COL17A1: variants seen among roughly 807,000 people sequenced by gnomAD.
COL17A1 encodes collagen type XVII alpha 1 chain, also known as collagen alpha-1(XVII) chain.
COL17A1 carries 181 observed loss-of-function variants against 218.4 expected under a neutral mutation model. The observed-to-expected ratio is 0.83, with a 90% CI of 0.73 to 0.94. The LOEUF (loss-of-function observed/expected upper bound fraction) is 0.94, where lower values mean the gene tolerates loss of function less well. Among genes scored for constraint, COL17A1 ranks in the 40% least tolerant of loss-of-function variants. The pLI, the probability that COL17A1 is intolerant of heterozygous loss-of-function variation, is 0.00. For synonymous variants in COL17A1, 721 were observed against 731.0 expected, an observed-to-expected ratio of 0.99 and a Z score of 0.22; for missense variants, 1,924 against 1,945.9, an observed-to-expected ratio of 0.99 and a Z score of 0.21.
intron 22 of COL17A1, 138 bp from the exon 23 acceptor site, chr10:104,053,273 C>G (rs1386384588): frequency 4.3e-5 from 41 of 943,308 alleles, no homozygotes; most frequent in Middle Eastern, 5.5e-4. Context: ...GACCCCATAG[C>G]CTTGGCTCAA....
At chr10:104,069,573 T>G (rs951826916) in intron 9 of COL17A1, among the ~76,000 whole-genome samples, 3 of 152,208 alleles carry the variant, frequency 2.0e-5, no homozygotes, top group Non-Finnish European at 4.4e-5. Context: ...GCAAAGACTT[T>G]GGACTGTCCC....
chr10:104,078,602 G>C lies in COL17A1; in HGVS notation c.53-16C>G, dbSNP rs11191919. On this transcript the variant is annotated splice_polypyrimidine_tract_variant and intron_variant, in intron 2 of 55. Coordinates refer to ENST00000648076, the MANE Select transcript of COL17A1 (RefSeq NM_000494.4). Reference sequence around the variant, plus strand: ...TCAGTGACAACTAGAAAAAGACAAAGAAAAGATGAGTTCTTATGTAATGCA... The same window carrying C: ...TCAGTGACAACTAGAAAAAGACAAACAAAAGATGAGTTCTTATGTAATGCA... 11 of 1,614,068 alleles carry C rather than the reference G, an allele frequency of 6.8e-6. No homozygotes were observed. Among genetic ancestry groups the C allele is most frequent in the Non-Finnish European group, 9.3e-6 (11 of 1,179,972 alleles).
Position 104,037,665 on chromosome 10 carries a change from A to T in COL17A1, c.3179T>A (p.Leu1060Gln). The part of the protein sequence containing the change: ...ITGETFDYSE[L>Q]ASHVVSYLRT... ...TAAGTAGCTCACAACGTGGCTTGCCAGCTCTGAGTAGTCGAAAGTCTCGCC... is the reference window on the plus strand; with the variant it reads ...TAAGTAGCTCACAACGTGGCTTGCCTGCTCTGAGTAGTCGAAAGTCTCGCC... Residue 1060 changes from leucine to glutamine, a missense_variant, in exon 46 of 56, where the codon CTG becomes CAG. Coordinates refer to ENST00000648076, the MANE Select transcript of COL17A1 (RefSeq NM_000494.4). The T allele has an allele frequency of 5.6e-6, 9 of 1,614,230 alleles. No individual in the cohort carries two copies. Among genetic ancestry groups the T allele is most frequent in the Non-Finnish European group, 5.9e-6 (7 of 1,180,050 alleles).
chr10:104,053,050 A>G lies in COL17A1; in HGVS notation c.1920T>C (p.Ser640=), dbSNP rs765732871. 2 of 1,614,134 alleles carry G rather than the reference A, an allele frequency of 1.2e-6. No homozygotes were observed. Among genetic ancestry groups the G allele is most frequent in the Non-Finnish European group, 1.7e-6 (2 of 1,180,010 alleles). Residue 640 remains serine (S), a synonymous_variant, in exon 23 of 56, where the codon TCT becomes TCC. Coordinates refer to ENST00000648076, the MANE Select transcript of COL17A1 (RefSeq NM_000494.4). The part of the protein sequence containing the change: ...GPRGEAGPPG[S]GEKGERGAAG... The stretch of plus-strand genomic sequence containing the variant: ...TCTTACCTCTTTCCCCTTTCTCTCC[A>G]GATCCAGGAGGCCCTGCCTCACCAC...
intron 33 of COL17A1, among the ~76,000 whole-genome samples, chr10:104,044,173 C>T (rs2086387556): frequency 6.6e-6 from 1 of 152,208 alleles, no homozygotes; most frequent in Non-Finnish European, 1.5e-5. Flanking sequence ...CCACATTCCA[C>T]CACCTCTGCC....
intron 26 of COL17A1, 41 bp from the exon 27 acceptor site, chr10:104,050,697 A>G: frequency 6.2e-7 from 1 of 1,614,174 alleles, no homozygotes; most frequent in Admixed American, 1.7e-5. Flanking sequence ...ATGCCCTACA[A>G]GGGACAACCA....
Position 104,039,429 on chromosome 10 carries a change from C to G in COL17A1, c.2896+16G>C, listed in dbSNP as rs779097909. 27 of 1,613,420 alleles carry G rather than the reference C, an allele frequency of 1.7e-5. No homozygotes were observed. The Admixed American group carries it at 4.5e-4, about 27-fold the overall frequency. On this transcript the variant is annotated intron_variant, in intron 43 of 55. Coordinates refer to ENST00000648076, the MANE Select transcript of COL17A1 (RefSeq NM_000494.4). ...ACCCCTACTCCTCACCACCTTCTCACTGCTCCCTCACTGACCTTTGTCACC... is the reference window on the plus strand; with the variant it reads ...ACCCCTACTCCTCACCACCTTCTCAGTGCTCCCTCACTGACCTTTGTCACC...
intron 8 of COL17A1, among the ~76,000 whole-genome samples, chr10:104,071,451 G>T (rs2086668542): frequency 6.6e-6 from 1 of 152,106 alleles, no homozygotes; most frequent in Non-Finnish European, 1.5e-5. Context: ...ATTTCAAAAC[G>T]TTGTTAAATA....
At chr10:104,050,814 C>A (rs755925002) in intron 26 of COL17A1, 34 bp downstream of exon 26, 3 of 1,614,130 alleles carry the variant, frequency 1.9e-6, no homozygotes, top group Non-Finnish European at 2.5e-6. Flanking sequence ...TCCATCAGAC[C>A]CTCACTGTCC....
rs1300990490 is a variant in COL17A1, at chr10:104,074,277, A to G, written c.332-46T>C. ...TTAGAACAAATGGCCTCTTAGGCCC[A>G]TAAAGCTTCCAAAACGGGAGGTAGT... On this transcript the variant is annotated intron_variant, in intron 5 of 55. Transcript: ENST00000648076. 6 of 1,613,862 alleles carry G rather than the reference A, an allele frequency of 3.7e-6. No homozygotes were observed. The South Asian group carries it at 6.6e-5, about 18-fold the overall frequency.
rs2086332039 is a variant in COL17A1, at chr10:104,039,112, C to A, written c.2906G>T (p.Gly969Val). 1 of 1,614,160 alleles carries A rather than the reference C, an allele frequency of 6.2e-7. No individual in the cohort carries two copies. The highest frequency in any genetic ancestry group is 2.2e-5 in the East Asian group (1 of 44,886). Residue 969 changes from glycine (G) to valine (V), a missense_variant, in exon 44 of 56, where the codon GGT becomes GTT. Coordinates refer to ENST00000648076, the MANE Select transcript of COL17A1 (RefSeq NM_000494.4). ...AGGAATGCCAAGAGCCCCTGGAACACCTGGATCACCTGGAATCCAAAATGA... is the reference window on the plus strand; with the variant it reads ...AGGAATGCCAAGAGCCCCTGGAACAACTGGATCACCTGGAATCCAAAATGA... The part of the protein sequence containing the change: ...QGPKGDKGDP[G>V]VPGALGIPSG...
intron 1 of COL17A1, among the ~76,000 whole-genome samples, chr10:104,085,368 A>G (rs2086797282): frequency 6.6e-6 from 1 of 152,192 alleles, no homozygotes; most frequent in Non-Finnish European, 1.5e-5. Context: ...GCGAGAGAGG[A>G]AACTGAGATT....
intron 11 of COL17A1, 104 bp downstream of exon 11, chr10:104,063,632 TCTGCTTCTGAG>T: frequency 2.0e-6 from 3 of 1,490,796 alleles, no homozygotes; most frequent in Non-Finnish European, 2.7e-6. Flanking sequence ...ACCCTGTGCC[TCTGCTTCTGAG>T]CTGCAGTATG....
intron 5 of COL17A1, among the ~76,000 whole-genome samples, chr10:104,075,439 C>A (rs755184742): frequency 2.3e-4 from 35 of 152,122 alleles, no homozygotes; most frequent in Non-Finnish European, 4.7e-4. Context: ...AATTGCCAAA[C>A]CTGTCAATTC....
At chr10:104,044,044 A>C (rs1030334779) in intron 33 of COL17A1, among the ~76,000 whole-genome samples, 184 bp from the exon 34 acceptor site, 4 of 152,260 alleles carry the variant, frequency 2.6e-5, no homozygotes, top group Non-Finnish European at 4.4e-5. Context: ...TCTTTCAGCC[A>C]GAGTCCCTGG....
chr10:104,036,815 C>G (rs996962222), intron 47 of COL17A1, among the ~76,000 whole-genome samples, 183 bp from the exon 48 acceptor site: 1 of 152,208 alleles, frequency 6.6e-6, no homozygotes, highest in African/African-American at 2.4e-5. Flanking sequence ...CAAAGGGACA[C>G]CTGCCAGCTT....
intron 6 of COL17A1, chr10:104,073,840 C>T (rs1280851966): frequency 3.3e-5 from 11 of 331,528 alleles, no homozygotes; most frequent in Non-Finnish European, 5.8e-5. Context: ...CTACTCGCTG[C>T]TCTGCTTCTT....
intron 9 of COL17A1, among the ~76,000 whole-genome samples, chr10:104,067,606 CAGAG>C (rs2086637602): frequency 6.6e-6 from 1 of 152,060 alleles, no homozygotes; most frequent in African/African-American, 2.4e-5. Flanking sequence ...CGCTGGTGCT[CAGAG>C]AGAGAAAGAG....
chr10:104,047,814 G>C lies in COL17A1; in HGVS notation c.2264-4C>G, dbSNP rs2086427419. On this transcript the variant is annotated splice_polypyrimidine_tract_variant and splice_region_variant and intron_variant, in intron 30 of 55. Coordinates refer to ENST00000648076, the MANE Select transcript of COL17A1 (RefSeq NM_000494.4). ...ATCCCAGTAAGACCTTGTTCACCTA[G>C]AGAGAGAATGGCCAACGTGGAAGTG... 1.2e-6 allele frequency: 2 copies of C among 1,613,388 alleles called. No individual in the cohort carries two copies. The highest frequency in any genetic ancestry group is 2.7e-5 in the African/African-American group (2 of 74,926).
Sources: allele counts gnomAD v4.1 joint callset (sites outside exome capture counted in the v4.1 genomes callset), GRCh38; gene constraint gnomAD v4.1.1; transcripts MANE v1.5; gene names NCBI Gene and HGNC (gene_info 2026-07-23, HGNC 2026-07-21).